The following RYR2 variants were observed in gnomAD, a reference collection of about 807,000 sequenced individuals.
RYR2 encodes ryanodine receptor 2.
Under a neutral mutation model 601.1 loss-of-function variants are expected in RYR2, and 227 were observed. That is an observed-to-expected ratio of 0.38 (90% CI 0.34 to 0.42). The LOEUF (loss-of-function observed/expected upper bound fraction) is 0.42. Ranked by LOEUF, RYR2 falls within the 10% of genes least tolerant of loss-of-function variation. The pLI is 1.00. For synonymous variants in RYR2, 2,223 were observed against 2,175.1 expected (o/e 1.02, Z -0.61); for missense variants, 4,646 against 6,156.5 (o/e 0.75, Z 8.21).
At chr1:237,765,909 T>C (rs1693813150) in intron 84 of RYR2, among the ~76,000 whole-genome samples, 1 of 152,146 alleles carries the variant, frequency 6.6e-6, no homozygotes, top group Admixed American at 6.5e-5. Context: ...TGTAAACAAA[T>C]AAATTCAGAA....
intron 12 of RYR2, among the ~76,000 whole-genome samples, chr1:237,429,745 T>C (rs1170131540): frequency 1.3e-5 from 2 of 152,182 alleles, no homozygotes; most frequent in Non-Finnish European, 2.9e-5. Context: ...TATTCTTACT[T>C]ATATAGCCTT....
chr1:237,657,916 A>G (rs1209596333), intron 53 of RYR2, 28 bp from the exon 54 acceptor site: 43 of 1,227,662 alleles, frequency 3.5e-5, no homozygotes, highest in Non-Finnish European at 4.8e-5. Context: ...GTGAAAATCA[A>G]GCTCTTTTGT....
chr1:237,115,305 C>T (rs946904630), intron 1 of RYR2, among the ~76,000 whole-genome samples: 1 of 152,108 alleles, frequency 6.6e-6, no homozygotes. Flanking sequence ...TCCCAGAGAC[C>T]ATCCATTGTA....
At chr1:237,785,132 TAA>T (rs1231436600) in intron 90 of RYR2, 160 bp downstream of exon 90, 7 of 650,470 alleles carry the variant, frequency 1.1e-5, no homozygotes, top group Non-Finnish European at 1.6e-5. Flanking sequence ...TTAGTGTTTT[TAA>T]GAGTCCTTAT....
At chr1:237,333,705 T>A (rs1342547781) in intron 3 of RYR2, 2 of 454,554 alleles carry the variant, frequency 4.4e-6, no homozygotes, top group Non-Finnish European at 8.8e-6. Flanking sequence ...TCATCTTTTC[T>A]AGTGCCTTAT....
intron 96 of RYR2, among the ~76,000 whole-genome samples, chr1:237,795,856 G>GCA: frequency 1.3e-5 from 1 of 79,714 alleles, no homozygotes; most frequent in African/African-American, 3.5e-5. Flanking sequence ...ATATGTATAT[G>GCA]TATATATATA....
chr1:237,821,710 G>T (rs1271834679), intron 101 of RYR2, among the ~76,000 whole-genome samples: 2 of 151,890 alleles, frequency 1.3e-5, no homozygotes, highest in Non-Finnish European at 2.9e-5. Flanking sequence ...CAGAAGGTGG[G>T]TAATAACAAA....
At chr1:237,553,374 G>A (rs1188944935) in intron 27 of RYR2, among the ~76,000 whole-genome samples, 4 of 151,874 alleles carry the variant, frequency 2.6e-5, no homozygotes, top group African/African-American at 9.7e-5. Context: ...AAAACCTATT[G>A]AACACATAAG....
intron 29 of RYR2, among the ~76,000 whole-genome samples, chr1:237,584,682 G>T (rs1674330158): frequency 1.2e-5 from 1 of 80,408 alleles, no homozygotes. Flanking sequence ...TTGAGACAGG[G>T]TCTCGCCTTG....
intron 100 of RYR2, among the ~76,000 whole-genome samples, chr1:237,811,774 A>ATAATTGTTCATATTGT (rs1661281500): frequency 2.0e-5 from 3 of 152,112 alleles, no homozygotes; most frequent in Non-Finnish European, 4.4e-5. Flanking sequence ...TCATGTGAAA[A>ATAATTGTTCATATTGT]TCATCTGTAA....
Position 237,639,132 on chromosome 1 carries a change from A to G in RYR2, c.7046A>G (p.Glu2349Gly), listed in dbSNP as rs1402587200. ...AATGGGCTTCTTGCAGCAATGGAAG[A>G]AGCCATCAAAATCGCCGAGGATCCT... ...GGNGLLAAME[E>G]AIKIAEDPSR... Residue 2349 changes from glutamate (E) to glycine (G), a missense_variant, in exon 46 of 105, where the codon GAA (glutamate) becomes GGA (glycine). Transcript: ENST00000366574. 6.2e-7 allele frequency: 1 copy of G among 1,613,918 alleles called. No individual in the cohort carries two copies. Among genetic ancestry groups the G allele is most frequent in the Non-Finnish European group, 8.5e-7 (1 of 1,179,850 alleles).
chr1:237,686,725 G>A (rs1297174330), intron 62 of RYR2, among the ~76,000 whole-genome samples: 1 of 152,088 alleles, frequency 6.6e-6, no homozygotes, highest in African/African-American at 2.4e-5. Context: ...CCATTATTTG[G>A]AATGGCTCAT....
At chr1:237,627,527 T>C (rs1269797454) in intron 40 of RYR2, among the ~76,000 whole-genome samples, 1 of 152,216 alleles carries the variant, frequency 6.6e-6, no homozygotes, top group Non-Finnish European at 1.5e-5. Context: ...GAATTGCCAA[T>C]GGTAATTTTG....
rs558814390 is a variant in RYR2, at chr1:237,546,976, C to CATATATATATATATATATATATAT, written c.2907-1435_2907-1434insATATATATATATATATATATATAT. On this transcript the variant is annotated intron_variant, in intron 25 of 104. Transcript: ENST00000366574. The stretch of plus-strand genomic sequence containing the variant: ...AGAATTTGTAGTTTATTTTCAAAAG[C>CATATATATATATATATATATATAT]ATATATATATATATATATATTTATT... Among the ~76,000 whole-genome samples, 356 of 97,192 alleles carry CATATATATATATATATATATATAT rather than the reference C, an allele frequency of 3.7e-3. 4 individuals are homozygous for CATATATATATATATATATATATAT. The highest frequency in any genetic ancestry group is 0.01 in the Middle Eastern group (2 of 198). The allele number at this position is 97,192 out of a possible 152,430, so 63.8% of individuals were successfully genotyped here.
chr1:237,213,915 CTTTTTTTTTTTTTTTTTTT>C (rs71180008), intron 1 of RYR2, among the ~76,000 whole-genome samples: 2 of 65,496 alleles, frequency 3.1e-5, no homozygotes, highest in African/African-American at 5.7e-5. Context: ...TTTTCTTTTT[CTTTTTTTTTTTTTTTTTTT>C]TTTTTAGACA....
At chr1:237,356,125 G>A in intron 4 of RYR2, 140 bp downstream of exon 4, 1 of 720,732 alleles carries the variant, frequency 1.4e-6, no homozygotes, top group Middle Eastern at 2.5e-4. Context: ...ATGAACACAT[G>A]TTTTACAGGT....
At chr1:237,128,442 A>C (rs1009266228) in intron 1 of RYR2, among the ~76,000 whole-genome samples, 2 of 152,242 alleles carry the variant, frequency 1.3e-5, no homozygotes, top group African/African-American at 4.8e-5. Flanking sequence ...AAATCCCTTC[A>C]GAAAGTTGTT....
intron 25 of RYR2, among the ~76,000 whole-genome samples, chr1:237,543,851 T>G (rs1669541522): frequency 1.3e-5 from 2 of 152,140 alleles, no homozygotes; most frequent in African/African-American, 4.8e-5. Flanking sequence ...AGGAAAAATG[T>G]GGGTCAGATG....
intron 17 of RYR2, among the ~76,000 whole-genome samples, chr1:237,473,972 C>T (rs2150328725): frequency 6.6e-6 from 1 of 151,136 alleles, no homozygotes; most frequent in East Asian, 2.0e-4. Flanking sequence ...TGAATCATAG[C>T]TCCTGTCATT....
Sources: allele counts gnomAD v4.1 joint callset (sites outside exome capture counted in the v4.1 genomes callset), GRCh38; gene constraint gnomAD v4.1.1; transcripts MANE v1.5; gene names NCBI Gene and HGNC (gene_info 2026-07-23, HGNC 2026-07-21).